TIAM1: variants seen among roughly 807,000 people sequenced by gnomAD.
TIAM1 encodes the protein rho guanine nucleotide exchange factor TIAM1.
Under a neutral mutation model 163.5 loss-of-function variants are expected in TIAM1, and 65 were observed. That is an observed-to-expected ratio of 0.40 (90% CI 0.33 to 0.49). The LOEUF (loss-of-function observed/expected upper bound fraction) is 0.49, where lower values mean the gene tolerates loss of function less well. TIAM1 is among the 20% of genes least tolerant of loss of function. TIAM1 has a pLI of 0.77. For missense variants in TIAM1, 1,789 were observed against 2,044.7 expected (o/e 0.87, Z 2.41); for synonymous variants, 833 against 810.1 (o/e 1.03, Z -0.48).
Position 31,550,921 on chromosome 21 carries a change from A to G in TIAM1, c.-422+8006T>C, listed in dbSNP as rs142203921. 2.4e-4 allele frequency among the ~76,000 whole-genome samples: 37 copies of G among 152,312 alleles called. No homozygotes were observed. The East Asian group carries it at 7.0e-3, about 29-fold the overall frequency. On this transcript the variant is annotated intron_variant, in intron 1 of 28. Coordinates refer to the TIAM1 transcript ENST00000286827. ...AAGACTGAAGAATAATCAATTCAAG[A>G]ACCATAAGGCCAGGCGCAGTGGCTC...
intron 26 of TIAM1, among the ~76,000 whole-genome samples, chr21:31,125,139 T>C (rs1338928214): frequency 6.6e-6 from 1 of 151,438 alleles, no homozygotes; most frequent in Non-Finnish European, 1.5e-5. Flanking sequence ...TAAATATCAA[T>C]GGTTCCCATG....
intron 2 of TIAM1, among the ~76,000 whole-genome samples, chr21:31,303,092 G>C (rs1300423483): frequency 6.6e-6 from 1 of 152,064 alleles, no homozygotes; most frequent in African/African-American, 2.4e-5. Flanking sequence ...TAGTCTAGGA[G>C]ACATTGTTCT....
At chr21:31,210,909 G>C (rs373833975) in intron 10 of TIAM1, among the ~76,000 whole-genome samples, 2 of 151,860 alleles carry the variant, frequency 1.3e-5, no homozygotes, top group African/African-American at 4.8e-5. Context: ...CATCTGCCAT[G>C]AGAACTTTAC....
At chr21:31,269,393 G>A (rs1298967605) in intron 3 of TIAM1, among the ~76,000 whole-genome samples, 2 of 152,208 alleles carry the variant, frequency 1.3e-5, no homozygotes, top group Non-Finnish European at 2.9e-5. Context: ...AAACTCTCAG[G>A]GGATGGCCTA....
chr21:31,338,513 C>T (rs1345796589), intron 2 of TIAM1, among the ~76,000 whole-genome samples: 3 of 152,140 alleles, frequency 2.0e-5, no homozygotes, highest in Non-Finnish European at 4.4e-5. Flanking sequence ...CTACGTCATT[C>T]TCCTCCTAGG....
chr21:31,179,122 C>A (rs1280250197), intron 15 of TIAM1, among the ~76,000 whole-genome samples: 1 of 151,878 alleles, frequency 6.6e-6, no homozygotes, highest in African/African-American at 2.4e-5. Context: ...CACAGTGGCT[C>A]ATTCCTGTAA....
intron 1 of TIAM1, among the ~76,000 whole-genome samples, chr21:31,497,688 A>T (rs1201394891): frequency 3.3e-5 from 5 of 152,226 alleles, no homozygotes; most frequent in Non-Finnish European, 5.9e-5. Context: ...AATATGTTCA[A>T]GGAAAATAAT....
chr21:31,152,853 T>C, intron 18 of TIAM1, 92 bp from the exon 19 acceptor site: 2 of 1,506,998 alleles, frequency 1.3e-6, no homozygotes, highest in South Asian at 1.3e-5. Context: ...CTATCAATTC[T>C]TATCAATTAA....
chr21:31,137,759 C>T (rs2082681484), intron 22 of TIAM1, among the ~76,000 whole-genome samples: 1 of 151,226 alleles, frequency 6.6e-6, no homozygotes, highest in South Asian at 2.1e-4. Context: ...GAAGGACTTG[C>T]CCAAGACAGC....
At chr21:31,440,902 G>A (rs1041234487) in intron 2 of TIAM1, among the ~76,000 whole-genome samples, 1 of 152,030 alleles carries the variant, frequency 6.6e-6, no homozygotes, top group African/African-American at 2.4e-5. Flanking sequence ...AAAGACAAAT[G>A]AAGTGGTAAA....
chr21:31,421,474 T>C (rs1282105267), intron 2 of TIAM1, among the ~76,000 whole-genome samples: 1 of 152,222 alleles, frequency 6.6e-6, no homozygotes, highest in African/African-American at 2.4e-5. Context: ...CTCCGCCTCC[T>C]GTCAGATCAG....
At chr21:31,461,312 C>T (rs1311180867) in intron 2 of TIAM1, among the ~76,000 whole-genome samples, 2 of 151,930 alleles carry the variant, frequency 1.3e-5, no homozygotes, top group East Asian at 1.9e-4. Context: ...GGTGTAACCC[C>T]GTCTCTACTA....
chr21:31,451,324 C>T (rs2044830895), intron 2 of TIAM1, among the ~76,000 whole-genome samples: 1 of 152,102 alleles, frequency 6.6e-6, no homozygotes, highest in Non-Finnish European at 1.5e-5. Context: ...CAAACAGCAG[C>T]ATGTTTGATT....
chr21:31,396,480 C>T (rs368806793), intron 2 of TIAM1, among the ~76,000 whole-genome samples: 22 of 152,126 alleles, frequency 1.4e-4, no homozygotes, highest in African/African-American at 5.3e-4. Flanking sequence ...TATTCTCCTA[C>T]CTGCCCCACT....
At chr21:31,460,905 A>G (rs1569351283) in intron 2 of TIAM1, among the ~76,000 whole-genome samples, 1 of 152,138 alleles carries the variant, frequency 6.6e-6, no homozygotes, top group Non-Finnish European at 1.5e-5. Context: ...TTTTCAATCT[A>G]TTTCATTTTT....
intron 2 of TIAM1, among the ~76,000 whole-genome samples, chr21:31,372,346 T>C (rs2076609541): frequency 6.6e-6 from 1 of 152,248 alleles, no homozygotes; most frequent in East Asian, 1.9e-4. Flanking sequence ...ACAGGTTATA[T>C]CACATTAATT....
chr21:31,389,782 T>C (rs2147192995), intron 2 of TIAM1, among the ~76,000 whole-genome samples: 1 of 152,320 alleles, frequency 6.6e-6, no homozygotes, highest in South Asian at 2.1e-4. Context: ...GAGAACAAGC[T>C]TCAATTTATC....
intron 2 of TIAM1, among the ~76,000 whole-genome samples, chr21:31,359,616 T>C (rs1295874305): frequency 6.6e-6 from 1 of 151,938 alleles, no homozygotes; most frequent in Non-Finnish European, 1.5e-5. Flanking sequence ...AGTGAAATCC[T>C]GTCTCTACTA....
intron 22 of TIAM1, 61 bp from the exon 23 acceptor site, chr21:31,136,102 G>GC (rs1601226802): frequency 4.3e-6 from 6 of 1,407,176 alleles, no homozygotes; most frequent in Non-Finnish European, 5.9e-6. Context: ...AGATTTTCAT[G>GC]ATGTTTGAAA....
Sources: gnomAD v4.1 joint callset for allele counts (sites outside exome capture counted in the v4.1 genomes callset) on GRCh38, gnomAD v4.1.1 for gene constraint, MANE v1.5 for transcripts, NCBI Gene and HGNC (gene_info 2026-07-23, HGNC 2026-07-21) for gene names.